Variants in SPRING1 observed in about 807,000 individuals in gnomAD.
SPRING1 encodes the protein SREBP regulating gene protein.
SPRING1 carries 14 observed loss-of-function variants against 24.7 expected under a neutral mutation model. The ratio of observed to expected loss-of-function variants is 0.57; its 90% CI spans 0.37 to 0.88. The LOEUF (loss-of-function observed/expected upper bound fraction) is 0.88, where lower values mean the gene tolerates loss of function less well. Ranked by LOEUF, SPRING1 falls within the 40% of genes least tolerant of loss-of-function variation. SPRING1 has a pLI of 0.00. For missense variants in SPRING1, 255 were observed against 268.4 expected (o/e 0.95, Z 0.35); for synonymous variants, 93 against 106.1 (o/e 0.88, Z 0.76).
At chr12:116,725,038 A>T (rs148494530) in intron 1 of SPRING1, among the ~76,000 whole-genome samples, 2 of 152,348 alleles carry the variant, frequency 1.3e-5, no homozygotes, top group African/African-American at 4.8e-5. Context: ...TTATGATAAT[A>T]ATTATGATAA....
In SPRING1 at chr12:116,720,931, C is replaced by G. The variant is rs1870402082; in HGVS notation, c.269-484G>C. Among the ~76,000 whole-genome samples the G allele has an allele frequency of 6.6e-6, 1 of 152,176 alleles. No individual in the cohort carries two copies. Among genetic ancestry groups the G allele is most frequent in the Non-Finnish European group, 1.5e-5 (1 of 68,024 alleles). ...ATATCTTTCAGATGCTCGCTGCATA[C>G]TGACTAATTTGGAGATTACAAAAAT... On this transcript the variant is annotated intron_variant, in intron 2 of 4. Coordinates refer to ENST00000261318, the MANE Select transcript of SPRING1 (RefSeq NM_024738.4). This position sits in a 1 kb window ranked among gnomAD's most constrained non-coding sequence, Gnocchi z 4.0.
intron 1 of SPRING1, among the ~76,000 whole-genome samples, chr12:116,732,573 G>A (rs1227100671): frequency 6.6e-6 from 1 of 152,204 alleles, no homozygotes; most frequent in Admixed American, 6.5e-5. Flanking sequence ...GAGGCATGGT[G>A]GTGCACGCCT....
rs1428378269 is a variant in SPRING1 at position 116,720,480 on chromosome 12, C to T, written c.269-33G>A. 2 of 1,609,590 alleles carry T rather than the reference C, an allele frequency of 1.2e-6. No homozygotes were observed. The highest frequency in any genetic ancestry group is 2.2e-5 in the East Asian group (1 of 44,828). On this transcript the variant is annotated intron_variant, in intron 2 of 4. Coordinates refer to ENST00000261318, the MANE Select transcript of SPRING1 (RefSeq NM_024738.4). The surrounding 1 kb of genome is among the most constrained non-coding windows in gnomAD (Gnocchi z 4.0). ...TCAGAGACCAACCTTAGCATAAAAC[C>T]AGCAGCCTTGCCACCTCCCTACCAG...
intron 4 of SPRING1, among the ~76,000 whole-genome samples, chr12:116,718,186 G>A (rs1870250886): frequency 6.6e-6 from 1 of 152,318 alleles, no homozygotes; most frequent in East Asian, 1.9e-4. Context: ...GGTGACTCAA[G>A]ACAACTACTT....
chr12:116,719,851 T>C lies in SPRING1; in HGVS notation c.446A>G (p.Asn149Ser), dbSNP rs114256458. ...GTTCTGGAATGCCACGGCTGCCCGG[T>C]TGAGGAAGCGCTCCAGGAGAAGTTG... Reference protein sequence around the residue: ...NKQLLLERFLNRAAVAFQNLF... With the variant: ...NKQLLLERFLSRAAVAFQNLF... Residue 149 changes from asparagine (N) to serine (S), a missense_variant, in exon 4 of 5, where the codon AAC becomes AGC. Transcript: ENST00000261318. 714 of 1,614,136 alleles carry C rather than the reference T, an allele frequency of 4.4e-4. 1 individual carries two copies. In the African/African-American group the frequency reaches 7.6e-3, roughly 17 times the overall value.
At position 116,720,337 on chromosome 12, in the gene SPRING1, C is replaced by T. The variant is rs773463635; in HGVS notation, c.379G>A (p.Ala127Thr). ...CAGCAGGAGACACAGTACTCATAGG[C>T]GCTGCAGCAGCCGTTGGGCCAGCAG... is the stretch of plus-strand genomic sequence containing the variant. ...DGCWPNGCCS[A>T]YEYCVSCCLQ... is the part of the protein sequence containing the mutation. The change falls in exon 3 of 5, where the codon GCC becomes ACC. Residue 127 changes from alanine (A) to threonine (T), a missense_variant. Ala to Thr is a moderately conservative substitution (Grantham distance 58, BLOSUM62 0). Transcript: ENST00000261318. The surrounding 1 kb of genome is among the most constrained non-coding windows in gnomAD (Gnocchi z 4.0). 55 of 1,614,066 alleles carry T rather than the reference C, an allele frequency of 3.4e-5. No individual in the cohort carries two copies. Among genetic ancestry groups the T allele is most frequent in the Middle Eastern group, 3.3e-4 (2 of 6,084 alleles).
chr12:116,737,669 G>T, intron 1 of SPRING1, 121 bp downstream of exon 1: 1 of 1,158,878 alleles, frequency 8.6e-7, no homozygotes, highest in Non-Finnish European at 1.1e-6. Context: ...AAGGGAAGGG[G>T]TAGGAAGACA....
Position 116,728,291 on chromosome 12 carries a change from C to T in SPRING1, c.112-5068G>A, listed in dbSNP as rs1263525533. On this transcript the variant is annotated intron_variant, in intron 1 of 4. Coordinates refer to ENST00000261318, the MANE Select transcript of SPRING1 (RefSeq NM_024738.4). The surrounding 1 kb of genome is among the most constrained non-coding windows in gnomAD (Gnocchi z 4.2). ...TTTTGCTTATTTACTATCTCTCCTC[C>T]TTACCCGCTAGTGGAATATAGGCTC... Among the ~76,000 whole-genome samples, 1 of 152,220 alleles carries T rather than the reference C, an allele frequency of 6.6e-6. No individual in the cohort carries two copies. The highest frequency in any genetic ancestry group is 2.4e-5 in the African/African-American group (1 of 41,452).
Position 116,715,884 on chromosome 12 carries a change from C to G in SPRING1, c.*1926G>C, listed in dbSNP as rs186275462. On this transcript the variant is annotated 3_prime_UTR_variant, in exon 5 of 5. Coordinates refer to ENST00000261318, the MANE Select transcript of SPRING1 (RefSeq NM_024738.4). Reference sequence around the variant, plus strand: ...AAGGACTGGAAATGTAAAATGCGCTCTTCAAGTACAAAGGCAGAGAGGATC... The same window carrying G: ...AAGGACTGGAAATGTAAAATGCGCTGTTCAAGTACAAAGGCAGAGAGGATC... The G allele has an allele frequency of 7.2e-5, 11 of 152,364 alleles. No homozygotes were observed. The highest frequency in any genetic ancestry group is 2.6e-4 in the African/African-American group (11 of 41,582). 9.4% of individuals were successfully genotyped at this position (152,364 alleles called of 1,614,324 possible). A position where few individuals can be genotyped will look rare whatever the true frequency, so the allele number is the denominator to read the frequency against.
At chr12:116,724,007 A>C (rs1453113653) in intron 1 of SPRING1, among the ~76,000 whole-genome samples, 1 of 152,204 alleles carries the variant, frequency 6.6e-6, no homozygotes, top group Non-Finnish European at 1.5e-5. Context: ...GTTAAAAAAA[A>C]AACTAAAGAG....
intron 1 of SPRING1, among the ~76,000 whole-genome samples, chr12:116,730,431 T>C (rs1446174768): frequency 6.6e-6 from 1 of 151,640 alleles, no homozygotes; most frequent in African/African-American, 2.4e-5. Context: ...CTGAAACTCC[T>C]GACCTCAGGT....
At chr12:116,722,938 G>A (rs1870499954) in intron 2 of SPRING1, 129 bp downstream of exon 2, 1 of 1,209,716 alleles carries the variant, frequency 8.3e-7, no homozygotes, top group East Asian at 2.5e-5. Context: ...CAAAAACCTG[G>A]GGAATGTTGG....
chr12:116,711,025 A>ACACACACACACACACACACACACACACG lies in SPRING1; in HGVS notation c.*6784_*6785insCGTGTGTGTGTGTGTGTGTGTGTGTGTG. The ACACACACACACACACACACACACACACG allele has an allele frequency of 6.6e-6, 1 of 150,930 alleles. No individual in the cohort carries two copies. Among genetic ancestry groups the ACACACACACACACACACACACACACACG allele is most frequent in the South Asian group, 2.1e-4 (1 of 4,752 alleles). The allele number at this position is 150,930 out of a possible 1,614,324, so 9.3% of individuals were successfully genotyped here. ...TTTTGTTACACACACACACACACAC[A>ACACACACACACACACACACACACACACG]CACGCACACACAGAGCCAATGTATG... On this transcript the variant is annotated 3_prime_UTR_variant, in exon 5 of 5. Transcript: ENST00000261318.
At chr12:116,718,120 G>A (rs1870249346) in intron 4 of SPRING1, among the ~76,000 whole-genome samples, 1 of 152,160 alleles carries the variant, frequency 6.6e-6, no homozygotes, top group Non-Finnish European at 1.5e-5. Flanking sequence ...ACATCGCTGT[G>A]GGACTGTTTC....
intron 1 of SPRING1, among the ~76,000 whole-genome samples, chr12:116,732,792 T>A (rs903522291): frequency 1.3e-5 from 2 of 152,222 alleles, no homozygotes; most frequent in Non-Finnish European, 2.9e-5. Context: ...ATCTCTATCA[T>A]GATGGTTACA....
At chr12:116,731,585 AAAAT>A (rs1352679019) in intron 1 of SPRING1, among the ~76,000 whole-genome samples, 1 of 152,132 alleles carries the variant, frequency 6.6e-6, no homozygotes, top group Non-Finnish European at 1.5e-5. Flanking sequence ...ATCTACCAAA[AAAAT>A]AAATTAATTA....
intron 1 of SPRING1, among the ~76,000 whole-genome samples, chr12:116,733,159 A>T (rs1871063012): frequency 6.6e-6 from 1 of 152,052 alleles, no homozygotes; most frequent in Non-Finnish European, 1.5e-5. Flanking sequence ...TGACCCTGTG[A>T]AGGCCTAGGC....
chr12:116,724,714 C>G (rs1276468101), intron 1 of SPRING1, among the ~76,000 whole-genome samples: 2 of 152,170 alleles, frequency 1.3e-5, no homozygotes, highest in African/African-American at 4.8e-5. Flanking sequence ...ACCCCAATAA[C>G]AGAGAAATGA....
chr12:116,735,930 C>T (rs942276868), intron 1 of SPRING1, among the ~76,000 whole-genome samples: 2 of 149,858 alleles, frequency 1.3e-5, no homozygotes, highest in Middle Eastern at 6.8e-3. Context: ...ATCCCAGCTA[C>T]TCAAGAAGGC....
Sources: gnomAD v4.1 joint callset for allele counts (sites outside exome capture counted in the v4.1 genomes callset) on GRCh38, gnomAD v4.1.1 for gene constraint, Gnocchi (gnomAD v3.1) non-coding constraint, MANE v1.5 for transcripts, NCBI Gene and HGNC (gene_info 2026-07-23, HGNC 2026-07-21) for gene names.